Variants in CHST11 observed in about 807,000 individuals in gnomAD.
CHST11 encodes carbohydrate sulfotransferase 11, also known as C4S-1.
In CHST11, 9 loss-of-function variants were observed where a neutral mutation model predicts 30.4. The observed-to-expected ratio is 0.30, with a 90% confidence interval of 0.18 to 0.52. The LOEUF (loss-of-function observed/expected upper bound fraction) is 0.52. Ranked by LOEUF, CHST11 falls within the 20% of genes least tolerant of loss-of-function variation. The pLI is 0.97. For missense variants in CHST11, 348 were observed against 460.6 expected (o/e 0.76, Z 2.24); for synonymous variants, 152 against 187.8 (o/e 0.81, Z 1.56).
chr12:104,538,010 G>C (rs751122702), intron 1 of CHST11, among the ~76,000 whole-genome samples: 3 of 152,114 alleles, frequency 2.0e-5, no homozygotes, highest in Non-Finnish European at 2.9e-5. Flanking sequence ...TCTTACATTA[G>C]TATGGTACAT....
At chr12:104,500,188 C>T (rs1035613429) in intron 1 of CHST11, among the ~76,000 whole-genome samples, 2 of 152,252 alleles carry the variant, frequency 1.3e-5, no homozygotes, top group Non-Finnish European at 2.9e-5. Flanking sequence ...GGGCTTTTTC[C>T]TGTTTTATTA....
At chr12:104,520,211 C>T (rs2038062058) in intron 1 of CHST11, among the ~76,000 whole-genome samples, 1 of 152,218 alleles carries the variant, frequency 6.6e-6, no homozygotes. Context: ...CTCTGAACTA[C>T]TGAGCATTAG....
chr12:104,548,581 G>C (rs1294157395), intron 1 of CHST11, among the ~76,000 whole-genome samples: 2 of 152,170 alleles, frequency 1.3e-5, no homozygotes, highest in African/African-American at 4.8e-5. Context: ...AAACTTTATT[G>C]AGAGCTTACT....
chr12:104,617,861 A>G (rs2039122990), intron 2 of CHST11, among the ~76,000 whole-genome samples: 1 of 152,112 alleles, frequency 6.6e-6, no homozygotes, highest in Non-Finnish European at 1.5e-5. Context: ...TGCCTAGAAC[A>G]GTGGCTAGCA....
At chr12:104,602,037 A>G (rs773667488) in intron 2 of CHST11, 46 bp downstream of exon 2, 7 of 1,158,774 alleles carry the variant, frequency 6.0e-6, no homozygotes, top group Non-Finnish European at 7.6e-6. Context: ...TTTTTTTTGT[A>G]GGTATGGATA....
chr12:104,682,766 G>C (rs2039809207), intron 2 of CHST11, among the ~76,000 whole-genome samples: 1 of 152,208 alleles, frequency 6.6e-6, no homozygotes, highest in African/African-American at 2.4e-5. Context: ...AATAAATTCT[G>C]CCCCATGGCA....
intron 2 of CHST11, among the ~76,000 whole-genome samples, chr12:104,735,026 G>A (rs190302637): frequency 7.1e-4 from 108 of 152,332 alleles, no homozygotes; most frequent in African/African-American, 2.5e-3. Flanking sequence ...CTCCTGCTCT[G>A]GGGGCAGGCA....
At chr12:104,686,970 T>C (rs929524784) in intron 2 of CHST11, among the ~76,000 whole-genome samples, 27 of 152,238 alleles carry the variant, frequency 1.8e-4, no homozygotes, top group African/African-American at 6.0e-4. Flanking sequence ...TTTTGTTTTG[T>C]TTTAAAATTG....
chr12:104,492,907 C>T (rs184559981), intron 1 of CHST11, among the ~76,000 whole-genome samples: 23 of 152,204 alleles, frequency 1.5e-4, no homozygotes, highest in Non-Finnish European at 2.9e-4. Context: ...GTGGTGTCCA[C>T]CTGTAATCCT....
chr12:104,694,453 A>G (rs1383365332), intron 2 of CHST11, among the ~76,000 whole-genome samples: 2 of 152,142 alleles, frequency 1.3e-5, no homozygotes, highest in Admixed American at 6.5e-5. Flanking sequence ...CCAAGATGCC[A>G]CTTTTGAAAA....
intron 2 of CHST11, among the ~76,000 whole-genome samples, chr12:104,658,713 C>T (rs185442272): frequency 8.5e-5 from 13 of 152,270 alleles, no homozygotes; most frequent in African/African-American, 2.6e-4. Context: ...CAATAACCCC[C>T]GCATCTGTAC....
At chr12:104,741,113 G>T (rs2040343072) in intron 2 of CHST11, among the ~76,000 whole-genome samples, 1 of 152,262 alleles carries the variant, frequency 6.6e-6, no homozygotes, top group African/African-American at 2.4e-5. Context: ...TATCCCAGCT[G>T]CCCTGGAGGG....
intron 2 of CHST11, among the ~76,000 whole-genome samples, chr12:104,725,532 T>A (rs312152): frequency 0.42 from 63,267 of 150,464 alleles, 13,562 homozygotes; most frequent in East Asian, 0.62. Flanking sequence ...TTTTTTTTTT[T>A]AATTCTGAGC....
intron 1 of CHST11, among the ~76,000 whole-genome samples, chr12:104,513,230 G>A (rs2037987272): frequency 6.7e-6 from 1 of 149,658 alleles, no homozygotes; most frequent in Admixed American, 6.7e-5. Context: ...TAGTGTTTCT[G>A]TGCCATGTCT....
At chr12:104,694,851 C>T (rs1333424068) in intron 2 of CHST11, among the ~76,000 whole-genome samples, 1 of 152,214 alleles carries the variant, frequency 6.6e-6, no homozygotes, top group Non-Finnish European at 1.5e-5. Context: ...GGAACCAGTG[C>T]AGCTCCGAGT....
At chr12:104,536,166 C>T (rs746741749) in intron 1 of CHST11, among the ~76,000 whole-genome samples, 2 of 152,166 alleles carry the variant, frequency 1.3e-5, no homozygotes, top group Non-Finnish European at 2.9e-5. Flanking sequence ...AAAGTATCTT[C>T]GGGATGAGGG....
At chr12:104,708,225 A>G (rs575427669) in intron 2 of CHST11, among the ~76,000 whole-genome samples, 1 of 152,218 alleles carries the variant, frequency 6.6e-6, no homozygotes, top group Non-Finnish European at 1.5e-5. Flanking sequence ...CTTGGGTTCA[A>G]ATCTCCACAG....
At chr12:104,725,861 G>C (rs1356182580) in intron 2 of CHST11, among the ~76,000 whole-genome samples, 1 of 152,124 alleles carries the variant, frequency 6.6e-6, no homozygotes, top group Non-Finnish European at 1.5e-5. Flanking sequence ...GACTCAAGCA[G>C]GACAAGGTAG....
chr12:104,716,898 G>A (rs575200363), intron 2 of CHST11, among the ~76,000 whole-genome samples: 1 of 152,230 alleles, frequency 6.6e-6, no homozygotes, highest in Non-Finnish European at 1.5e-5. Flanking sequence ...AATCTGATGT[G>A]GATCTCACTG....
Sources: gnomAD v4.1 joint callset for allele counts (sites outside exome capture counted in the v4.1 genomes callset) on GRCh38, gnomAD v4.1.1 for gene constraint, MANE v1.5 for transcripts, NCBI Gene and HGNC (gene_info 2026-07-23, HGNC 2026-07-21) for gene names.